SNX3: variants seen among roughly 807,000 people sequenced by gnomAD.
The protein encoded by SNX3 is sorting nexin 3.
Under a neutral mutation model 17.7 loss-of-function variants are expected in SNX3, and 5 were observed. That is an observed-to-expected ratio of 0.28 (90% CI 0.15 to 0.59). The LOEUF is 0.59. Ranked by LOEUF, SNX3 falls within the 20% of genes least tolerant of loss-of-function variation. The pLI is 0.88. For missense variants in SNX3, 132 were observed against 206.8 expected (o/e 0.64, Z 2.22); for synonymous variants, 91 against 76.5 (o/e 1.19, Z -0.99).
intron 1 of SNX3, among the ~76,000 whole-genome samples, chr6:108,224,986 A>T (rs925450426): frequency 5.9e-5 from 9 of 152,240 alleles, no homozygotes; most frequent in African/African-American, 2.2e-4. Context: ...GATCCCCTTT[A>T]AAGAAAAAAT....
At chr6:108,259,842 GCTTTACA>G (rs546335641) in intron 1 of SNX3, among the ~76,000 whole-genome samples, 138 of 152,140 alleles carry the variant, frequency 9.1e-4, no homozygotes, top group African/African-American at 3.1e-3. Context: ...AGGAAAAATC[GCTTTACA>G]CTTAACTTTT....
chr6:108,242,226 G>A (rs1775543490), intron 1 of SNX3, among the ~76,000 whole-genome samples: 1 of 152,098 alleles, frequency 6.6e-6, no homozygotes, highest in African/African-American at 2.4e-5. Flanking sequence ...CAACACACAT[G>A]TAATGGGAGT....
chr6:108,237,339 C>T (rs767895599), intron 1 of SNX3, among the ~76,000 whole-genome samples: 7 of 152,122 alleles, frequency 4.6e-5, no homozygotes, highest in African/African-American at 1.2e-4. Flanking sequence ...GGATATCATT[C>T]CAGATCCTTT....
At chr6:108,219,249 C>T (rs1179042750) in intron 2 of SNX3, among the ~76,000 whole-genome samples, 2 of 151,944 alleles carry the variant, frequency 1.3e-5, no homozygotes, top group South Asian at 2.1e-4. Context: ...ACTCAGCAAA[C>T]GTTTATTAAA....
chr6:108,243,539 A>C (rs1313022152), intron 1 of SNX3, among the ~76,000 whole-genome samples: 1 of 152,192 alleles, frequency 6.6e-6, no homozygotes, highest in Non-Finnish European at 1.5e-5. Flanking sequence ...TTATGACTTC[A>C]GCACATTACC....
At chr6:108,230,144 A>G (rs1027600398) in intron 1 of SNX3, among the ~76,000 whole-genome samples, 8 of 152,102 alleles carry the variant, frequency 5.3e-5, no homozygotes, top group African/African-American at 1.9e-4. Flanking sequence ...ATTTACCCAG[A>G]AAGAATGCTG....
chr6:108,259,705 T>A (rs1373895446), intron 1 of SNX3, among the ~76,000 whole-genome samples: 1 of 152,266 alleles, frequency 6.6e-6, no homozygotes, highest in Non-Finnish European at 1.5e-5. Context: ...CTGAGCTGTA[T>A]GTACACTTAA....
intron 1 of SNX3, among the ~76,000 whole-genome samples, chr6:108,241,973 A>C (rs1435152491): frequency 1.3e-5 from 2 of 152,202 alleles, no homozygotes; most frequent in Non-Finnish European, 2.9e-5. Context: ...TGATTCAAGG[A>C]ATAGAGAATC....
intron 1 of SNX3, among the ~76,000 whole-genome samples, chr6:108,254,391 G>A (rs1453537621): frequency 6.6e-6 from 1 of 152,118 alleles, no homozygotes; most frequent in Non-Finnish European, 1.5e-5. Flanking sequence ...CCTGAGCCCA[G>A]GAGGTCGAGG....
chr6:108,241,954 T>G (rs1032346632), intron 1 of SNX3, among the ~76,000 whole-genome samples: 8 of 152,182 alleles, frequency 5.3e-5, no homozygotes, highest in African/African-American at 1.9e-4. Flanking sequence ...AAAGACAGCA[T>G]GATGACAATG....
chr6:108,222,811 T>A (rs894566214), intron 2 of SNX3, 139 bp downstream of exon 2: 1 of 671,274 alleles, frequency 1.5e-6, no homozygotes, highest in Non-Finnish European at 2.6e-6. Flanking sequence ...TCTACCTCTA[T>A]AAAATGACAC....
intron 1 of SNX3, among the ~76,000 whole-genome samples, chr6:108,258,457 C>CAA (rs531778288): frequency 0.042 from 3,758 of 88,802 alleles, 166 homozygotes; most frequent in African/African-American, 0.14. Flanking sequence ...GACTCCGTCT[C>CAA]AAAAAAAAAA....
At chr6:108,217,729 C>T (rs553044966) in intron 2 of SNX3, among the ~76,000 whole-genome samples, 5 of 143,420 alleles carry the variant, frequency 3.5e-5, no homozygotes, top group African/African-American at 5.2e-5. Flanking sequence ...CCAGCCTGGG[C>T]GAGAGCTAGA....
At chr6:108,236,211 C>T (rs988668704) in intron 1 of SNX3, among the ~76,000 whole-genome samples, 6 of 151,594 alleles carry the variant, frequency 4.0e-5, no homozygotes, top group Non-Finnish European at 7.4e-5. Context: ...TGGCCGGGCA[C>T]GATGGTTCGT....
At chr6:108,232,011 G>A (rs1775175334) in intron 1 of SNX3, among the ~76,000 whole-genome samples, 2 of 152,148 alleles carry the variant, frequency 1.3e-5, no homozygotes, top group East Asian at 1.9e-4. Context: ...CAAGCTGCTG[G>A]GTATCTTGCT....
At chr6:108,236,218 TC>T (rs556649243) in intron 1 of SNX3, among the ~76,000 whole-genome samples, 184 of 151,932 alleles carry the variant, frequency 1.2e-3, no homozygotes, top group African/African-American at 4.1e-3. Flanking sequence ...GCACGATGGT[TC>T]GTGCCTGTAA....
At chr6:108,241,169 A>AAAAAAT (rs1775511541) in intron 1 of SNX3, among the ~76,000 whole-genome samples, 2 of 146,682 alleles carry the variant, frequency 1.4e-5, no homozygotes, top group Non-Finnish European at 3.0e-5. Flanking sequence ...AAAAAAAAAA[A>AAAAAAT]GTATGTGTGC....
chr6:108,242,970 G>C (rs970949058), intron 1 of SNX3, among the ~76,000 whole-genome samples: 7 of 152,158 alleles, frequency 4.6e-5, no homozygotes, highest in African/African-American at 1.7e-4. Context: ...CTTGATTGTA[G>C]GCAATTGTGA....
intron 1 of SNX3, among the ~76,000 whole-genome samples, chr6:108,255,107 A>T (rs577558427): frequency 6.0e-4 from 91 of 152,328 alleles, no homozygotes; most frequent in African/African-American, 2.1e-3. Flanking sequence ...CTAAAAACTC[A>T]ATATAACAGG....
Sources: allele counts gnomAD v4.1 joint callset (sites outside exome capture counted in the v4.1 genomes callset), GRCh38; gene constraint gnomAD v4.1.1; transcripts MANE v1.5; gene names NCBI Gene and HGNC (gene_info 2026-07-23, HGNC 2026-07-21).